The following KDM2B variants were observed in gnomAD, a reference collection of about 807,000 sequenced individuals.
KDM2B encodes the protein lysine demethylase 2B.
Under a neutral mutation model 150.0 loss-of-function variants are expected in KDM2B, and 26 were observed. That is an observed-to-expected ratio of 0.17 (90% CI 0.13 to 0.24). The LOEUF (loss-of-function observed/expected upper bound fraction) is 0.24. KDM2B is among the 10% of genes least tolerant of loss of function. KDM2B has a pLI of 1.00. For synonymous variants in KDM2B, 734 were observed against 729.5 expected (o/e 1.01, Z -0.10); for missense variants, 1,265 against 1,816.9 (o/e 0.70, Z 5.52).
chr12:121,441,543 TCTC>T (rs1461179227), intron 19 of KDM2B, among the ~76,000 whole-genome samples: 1 of 152,132 alleles, frequency 6.6e-6, no homozygotes, highest in Non-Finnish European at 1.5e-5. Context: ...TTCAAGCTAT[TCTC>T]CTGCCTCAGC....
rs782047359 is a variant in KDM2B, at chr12:121,442,324, C to T, written c.3117G>A (p.Glu1039=). The T allele has an allele frequency of 1.9e-6, 3 of 1,605,986 alleles. 1 individual carries two copies. The highest frequency in any genetic ancestry group is 2.7e-5 in the African/African-American group (2 of 74,840). ...SVSPPKCIQM[E]RHVIRPPPIS... ...TGGGGGGTGGCCGGATCACATGGCG[C>T]TCCATCTGGATACACTTGGGCGGGG... Residue 1039 remains glutamate, a synonymous_variant, in exon 19 of 23, where the codon GAG becomes GAA. Transcript: ENST00000377071. The surrounding 1 kb of genome is among the most constrained non-coding windows in gnomAD (Gnocchi z 7.7).
the KDM2B span, among the ~76,000 whole-genome samples, chr12:121,419,659 G>A: frequency 6.6e-6 from 1 of 152,196 alleles, no homozygotes; most frequent in Admixed American, 6.5e-5. Flanking sequence ...ATATGTGAAG[G>A]AAGGTACATA....
chr12:121,492,903 CT>C (rs1883511433), intron 12 of KDM2B, among the ~76,000 whole-genome samples: 1 of 151,502 alleles, frequency 6.6e-6, no homozygotes, highest in South Asian at 2.1e-4. Context: ...TTTCTTTCTC[CT>C]TTTTGTTTTG....
chr12:121,495,931 G>C (rs1405561220), intron 11 of KDM2B, among the ~76,000 whole-genome samples: 3 of 151,912 alleles, frequency 2.0e-5, no homozygotes, highest in African/African-American at 7.3e-5. Flanking sequence ...TCTCCCACGA[G>C]GCACACTGTG....
chr12:121,556,275 G>T (rs952080744), intron 4 of KDM2B, among the ~76,000 whole-genome samples: 6 of 152,080 alleles, frequency 3.9e-5, no homozygotes, highest in Admixed American at 3.9e-4. Context: ...AGGCTGGAGT[G>T]CAGTGGCTTG....
At chr12:121,482,594 C>T (rs910443740) in intron 12 of KDM2B, among the ~76,000 whole-genome samples, 2 of 152,174 alleles carry the variant, frequency 1.3e-5, no homozygotes, top group African/African-American at 4.8e-5. Context: ...GCCACCGCAC[C>T]CAGCCTTCTT....
At chr12:121,574,641 G>C (rs782063695) in intron 3 of KDM2B, 48 bp from the exon 4 acceptor site, 1 of 1,571,344 alleles carries the variant, frequency 6.4e-7, no homozygotes. Context: ...AGAAACAACA[G>C]AGCTAGACTA....
At chr12:121,546,587 T>C (rs1329644082) in intron 6 of KDM2B, among the ~76,000 whole-genome samples, 6 of 151,282 alleles carry the variant, frequency 4.0e-5, no homozygotes, top group African/African-American at 1.2e-4. Context: ...GTTTGTTTAG[T>C]AGAGACGGGG....
chr12:121,424,273 T>G (rs1825362909), downstream of KDM2B: 1 of 152,678 alleles, frequency 6.5e-6, no homozygotes, highest in Admixed American at 6.5e-5. Flanking sequence ...TTACATTGTT[T>G]TGTATAGTGA....
At chr12:121,469,188 G>GC (rs1485692070) in intron 12 of KDM2B, 1 of 151,618 alleles carries the variant, frequency 6.6e-6, no homozygotes, top group Non-Finnish European at 1.5e-5. Flanking sequence ...GAGCCACCAT[G>GC]CCCGGCCATC....
chr12:121,443,306 C>A, intron 17 of KDM2B: 1 of 581,928 alleles, frequency 1.7e-6, no homozygotes, highest in Non-Finnish European at 3.1e-6. Flanking sequence ...CCATTCAAAT[C>A]ATCCTCGGCT....
At chr12:121,574,661 CG>C (rs149075548) in intron 3 of KDM2B, 68 bp from the exon 4 acceptor site, 7 of 1,418,144 alleles carry the variant, frequency 4.9e-6, no homozygotes, top group East Asian at 2.3e-5. Flanking sequence ...ACCCTGGGCC[CG>C]GGGGGAAGCC....
chr12:121,527,399 A>T (rs201444362), intron 8 of KDM2B, among the ~76,000 whole-genome samples: 1 of 137,022 alleles, frequency 7.3e-6, no homozygotes, highest in African/African-American at 2.7e-5. Flanking sequence ...GGTGGCTCAC[A>T]CCTGTAATCC....
At chr12:121,523,274 G>A (rs1220158388) in intron 8 of KDM2B, among the ~76,000 whole-genome samples, 1 of 152,220 alleles carries the variant, frequency 6.6e-6, no homozygotes, top group Non-Finnish European at 1.5e-5. Context: ...CAGAGGGGAG[G>A]CAAAAGGAGA....
At chr12:121,530,542 C>G (rs1240231033) in intron 8 of KDM2B, among the ~76,000 whole-genome samples, 1 of 150,474 alleles carries the variant, frequency 6.6e-6, no homozygotes, top group African/African-American at 2.4e-5. Flanking sequence ...CCCTACCCCA[C>G]CCCTGTATCT....
At chr12:121,526,236 C>T (rs1218649311) in intron 8 of KDM2B, among the ~76,000 whole-genome samples, 1 of 152,096 alleles carries the variant, frequency 6.6e-6, no homozygotes, top group Non-Finnish European at 1.5e-5. Context: ...GCCTGTAATC[C>T]CAGCTACTCA....
rs781997880 is a variant in KDM2B, at chr12:121,494,660, G to A, written c.1653C>T (p.Val551=). ...PQALLEGVKN[V]LKEHADDDPS... Reference sequence around the variant, plus strand: ...GGTCATCATCTGCGTGCTCCTTCAGGACGTTCTGTGGCCAAACAAAGCATC... The same window carrying A: ...GGTCATCATCTGCGTGCTCCTTCAGAACGTTCTGTGGCCAAACAAAGCATC... The change falls in exon 12 of 23, where the codon GTC becomes GTT. Residue 551 remains valine (V), a synonymous_variant. Coordinates refer to ENST00000377071, the MANE Select transcript of KDM2B (RefSeq NM_032590.5). 5.1e-5 allele frequency: 82 copies of A among 1,610,116 alleles called. No individual in the cohort carries two copies. The highest frequency in any genetic ancestry group is 1.3e-5 in the African/African-American group (1 of 74,718).
intron 2 of KDM2B, among the ~76,000 whole-genome samples, chr12:121,577,022 G>A (rs907089461): frequency 6.6e-6 from 1 of 152,218 alleles, no homozygotes; most frequent in Non-Finnish European, 1.5e-5. Context: ...TTTAAAGGAA[G>A]AGAAGTTTAA....
intron 4 of KDM2B, among the ~76,000 whole-genome samples, chr12:121,563,669 A>C (rs1890501292): frequency 6.6e-6 from 1 of 152,044 alleles, no homozygotes; most frequent in Admixed American, 6.6e-5. Flanking sequence ...CTGTAATCCC[A>C]GCACTTTAGG....
Sources: allele counts gnomAD v4.1 joint callset (sites outside exome capture counted in the v4.1 genomes callset), GRCh38; gene constraint gnomAD v4.1.1; non-coding constraint Gnocchi (gnomAD v3.1); transcripts MANE v1.5; gene names NCBI Gene and HGNC (gene_info 2026-07-23, HGNC 2026-07-21).